The following C3orf20 variants were observed in gnomAD, a reference collection of about 807,000 sequenced individuals.
C3orf20 encodes the protein uncharacterized protein C3orf20.
In C3orf20, 76 loss-of-function variants were observed where a neutral mutation model predicts 88.3. The ratio of observed to expected loss-of-function variants is 0.86; its 90% CI spans 0.72 to 1.04. The LOEUF is 1.04. Among genes scored for constraint, C3orf20 ranks in the 50% least tolerant of loss-of-function variants. The pLI is 0.00. For missense variants in C3orf20, 1,056 were observed against 1,123.3 expected (o/e 0.94, Z 0.86); for synonymous variants, 436 against 437.4 (o/e 1.00, Z 0.04).
chr3:14,680,185 A>T (rs2032011611), intron 1 of C3orf20, among the ~76,000 whole-genome samples: 2 of 152,226 alleles, frequency 1.3e-5, no homozygotes, highest in Non-Finnish European at 1.5e-5. Context: ...ACATACATCC[A>T]CACAAAAGCT....
chr3:14,711,801 G>T (rs1190929939), intron 7 of C3orf20, among the ~76,000 whole-genome samples: 3 of 151,772 alleles, frequency 2.0e-5, no homozygotes, highest in African/African-American at 7.3e-5. Context: ...TGTTTAAATT[G>T]CTGATACAGA....
intron 15 of C3orf20, among the ~76,000 whole-genome samples, chr3:14,769,599 C>G (rs1049992770): frequency 6.6e-6 from 1 of 152,116 alleles, no homozygotes; most frequent in Admixed American, 6.6e-5. Flanking sequence ...GACTGGGTCT[C>G]TAGTTGGATC....
In C3orf20 at chr3:14,688,480, C is replaced by T. The variant is rs143989888; in HGVS notation, c.626-1517C>T. Among the ~76,000 whole-genome samples, 511 of 139,304 alleles carry T rather than the reference C, an allele frequency of 3.7e-3. 3 individuals carry two copies. The highest frequency in any genetic ancestry group is 0.011 in the African/African-American group (420 of 37,108). 91.4% of individuals were successfully genotyped at this position (139,304 alleles called of 152,430 possible). ...CTGGGAAGCAGAGGTTGCAGTGAGC[C>T]GAGACTGTGCCACTGCACTCCAGCC... On this transcript the variant is annotated intron_variant, in intron 4 of 16. Transcript: ENST00000253697.
intron 12 of C3orf20, among the ~76,000 whole-genome samples, chr3:14,738,255 C>T (rs1221535690): frequency 6.7e-6 from 1 of 149,328 alleles, no homozygotes; most frequent in Non-Finnish European, 1.5e-5. Flanking sequence ...GCAACCTCTG[C>T]CCCCCGGGTT....
At position 14,703,053 on chromosome 3, in the gene C3orf20, A is replaced by T; in HGVS notation, c.746-77A>T. The T allele has an allele frequency of 1.9e-6, 3 of 1,542,878 alleles. No individual in the cohort carries two copies. In the South Asian group the frequency reaches 3.4e-5, roughly 17 times the overall value. ...GATCTCCTTTGACTCCAGGTCTCAC[A>T]TCCAGGTGACACTGATGCAAAAGGT... On this transcript the variant is annotated intron_variant, in intron 5 of 16. Coordinates refer to ENST00000253697, the MANE Select transcript of C3orf20 (RefSeq NM_032137.5).
At chr3:14,677,865 TA>T (rs2031862059) in intron 1 of C3orf20, among the ~76,000 whole-genome samples, 1 of 152,126 alleles carries the variant, frequency 6.6e-6, no homozygotes, top group South Asian at 2.1e-4. Flanking sequence ...CATCCTTGGC[TA>T]ACCCCTAGCA....
At chr3:14,724,737 C>T (rs1012645591) in intron 10 of C3orf20, among the ~76,000 whole-genome samples, 3 of 151,934 alleles carry the variant, frequency 2.0e-5, no homozygotes, top group Non-Finnish European at 4.4e-5. Context: ...ATTAATTTTC[C>T]CTTTTAAAAA....
rs931721224 is a variant in C3orf20 at position 14,683,027 on chromosome 3, C to T, written c.314C>T (p.Pro105Leu). 9 of 1,612,574 alleles carry T rather than the reference C, an allele frequency of 5.6e-6. No homozygotes were observed. Among genetic ancestry groups the T allele is most frequent in the Non-Finnish European group, 7.6e-6 (9 of 1,179,320 alleles). The change falls in exon 3 of 17, where the codon CCA becomes CTA. Residue 105 changes from proline to leucine, a missense_variant. Coordinates refer to ENST00000253697, the MANE Select transcript of C3orf20 (RefSeq NM_032137.5). ...CCACCACCACCAGCACCACCACGTCCAGTGCTGCTGGCAACCACTGGGGCA... is the reference window on the plus strand; with the variant it reads ...CCACCACCACCAGCACCACCACGTCTAGTGCTGCTGGCAACCACTGGGGCA... ...LPPPPPAPPR[P>L]VLLATTGAAK...
intron 15 of C3orf20, among the ~76,000 whole-genome samples, chr3:14,763,019 C>T (rs2035604159): frequency 6.6e-6 from 1 of 152,146 alleles, no homozygotes; most frequent in Admixed American, 6.5e-5. Flanking sequence ...TGAGACCCCA[C>T]TGCCTGAGAC....
intron 11 of C3orf20, 51 bp from the exon 12 acceptor site, chr3:14,728,388 G>C: frequency 6.2e-7 from 1 of 1,607,398 alleles, no homozygotes; most frequent in Non-Finnish European, 8.5e-7. Flanking sequence ...ACCAGGGGCA[G>C]AGGAGTCCTG....
At chr3:14,684,126 C>A in intron 3 of C3orf20, 116 bp from the exon 4 acceptor site, 1 of 1,406,348 alleles carries the variant, frequency 7.1e-7, no homozygotes, top group Middle Eastern at 2.4e-4. Flanking sequence ...CCCTGCATAC[C>A]CTAGGAATAG....
chr3:14,734,684 A>G (rs1288443957), intron 12 of C3orf20, among the ~76,000 whole-genome samples: 1 of 152,122 alleles, frequency 6.6e-6, no homozygotes, highest in Admixed American at 6.5e-5. Context: ...ACAGCGTTTT[A>G]TAAATGTCAG....
chr3:14,701,159 G>C lies in C3orf20; in HGVS notation c.746-1971G>C, dbSNP rs1041488101. Among the ~76,000 whole-genome samples, 2 of 152,200 alleles carry C rather than the reference G, an allele frequency of 1.3e-5. No homozygotes were observed. The highest frequency in any genetic ancestry group is 4.8e-5 in the African/African-American group (2 of 41,448). On this transcript the variant is annotated intron_variant, in intron 5 of 16. Transcript: ENST00000253697. This position sits in a 1 kb window ranked among gnomAD's most constrained non-coding sequence, Gnocchi z 4.6. ...ACCTCAGGCCCTAGGCTTGAGTTCA[G>C]GGTTCAGTCTCTGGTCCCTGTTGGC... is the stretch of plus-strand genomic sequence containing the variant.
intron 12 of C3orf20, among the ~76,000 whole-genome samples, chr3:14,753,018 A>G (rs1477472662): frequency 6.6e-6 from 1 of 152,212 alleles, no homozygotes; most frequent in Non-Finnish European, 1.5e-5. Context: ...AAATCATGCT[A>G]CTATAAAGAC....
chr3:14,683,857 T>C (rs139704201), intron 3 of C3orf20, among the ~76,000 whole-genome samples: 1,531 of 123,676 alleles, frequency 0.012, 16 homozygotes, highest in Non-Finnish European at 0.015. Flanking sequence ...GCCTGGGTGA[T>C]AGAGCGAGAC....
intron 7 of C3orf20, among the ~76,000 whole-genome samples, chr3:14,713,018 A>G (rs575386992): frequency 7.2e-5 from 11 of 152,156 alleles, no homozygotes; most frequent in Non-Finnish European, 1.5e-5. Flanking sequence ...GAAATCAGCC[A>G]TTAATCTTAT....
intron 4 of C3orf20, among the ~76,000 whole-genome samples, chr3:14,688,813 A>G (rs2032574936): frequency 6.6e-6 from 1 of 152,068 alleles, no homozygotes; most frequent in Non-Finnish European, 1.5e-5. Context: ...ATATATTTAG[A>G]GTATTGCAAT....
intron 10 of C3orf20, 150 bp downstream of exon 10, chr3:14,721,934 C>T: frequency 1.1e-6 from 1 of 891,014 alleles, no homozygotes; most frequent in South Asian, 1.8e-5. Context: ...ACCACCTACT[C>T]TTAGTACCAC....
chr3:14,766,112 G>A (rs764345481), intron 15 of C3orf20, among the ~76,000 whole-genome samples: 18 of 152,300 alleles, frequency 1.2e-4, no homozygotes, highest in Non-Finnish European at 2.2e-4. Flanking sequence ...AGCCCAGCTC[G>A]GGGCCAGGAC....
Sources: allele counts gnomAD v4.1 joint callset (sites outside exome capture counted in the v4.1 genomes callset), GRCh38; gene constraint gnomAD v4.1.1; non-coding constraint Gnocchi (gnomAD v3.1); transcripts MANE v1.5; gene names NCBI Gene and HGNC (gene_info 2026-07-23, HGNC 2026-07-21).